Variants in GPHN observed in about 807,000 individuals in gnomAD.
GPHN encodes gephyrin.
GPHN carries 17 observed loss-of-function variants against 95.5 expected under a neutral mutation model. That is an observed-to-expected ratio of 0.18 (90% confidence interval 0.12 to 0.27). GPHN has a LOEUF of 0.27. Among genes scored for constraint, GPHN ranks in the 10% least tolerant of loss-of-function variants. GPHN has a pLI of 1.00. For synonymous variants in GPHN, 320 were observed against 322.5 expected, an observed-to-expected ratio of 0.99 and a Z score of 0.08; for missense variants, 660 against 978.1, an observed-to-expected ratio of 0.67 and a Z score of 4.34.
chr14:67,090,971 T>TAA (rs563303764), intron 12 of GPHN, among the ~76,000 whole-genome samples: 3 of 145,768 alleles, frequency 2.1e-5, no homozygotes, highest in African/African-American at 7.5e-5. Flanking sequence ...GGCACACATT[T>TAA]AAAAAAAAAA....
At chr14:67,546,175 A>G in the GPHN span, among the ~76,000 whole-genome samples, 1 of 152,184 alleles carries the variant, frequency 6.6e-6, no homozygotes, top group Non-Finnish European at 1.5e-5. Flanking sequence ...TATAAAAACA[A>G]CCAAGTGTAG....
the GPHN span, among the ~76,000 whole-genome samples, chr14:67,214,840 A>C: frequency 1.3e-5 from 2 of 151,942 alleles, no homozygotes; most frequent in East Asian, 1.9e-4. Context: ...CTTTGATTTC[A>C]TTGAGCAGTG....
chr14:67,712,348 TTTGTTG>T, the GPHN span, among the ~76,000 whole-genome samples: 33 of 152,122 alleles, frequency 2.2e-4, no homozygotes, highest in African/African-American at 7.9e-4. Flanking sequence ...ACTTAAAAAT[TTTGTTG>T]TTGTTGTTTT....
At chr14:67,197,855 A>G in the GPHN span, among the ~76,000 whole-genome samples, 1 of 151,922 alleles carries the variant, frequency 6.6e-6, no homozygotes, top group African/African-American at 2.4e-5. Context: ...ATTTTTTACT[A>G]TATGTATCTG....
At chr14:66,760,305 AAG>A (rs1417614864) in intron 2 of GPHN, among the ~76,000 whole-genome samples, 4 of 152,208 alleles carry the variant, frequency 2.6e-5, no homozygotes, top group Non-Finnish European at 1.5e-5. Context: ...GTAGTGTATC[AAG>A]AGTCTTTATA....
chr14:66,852,875 A>G (rs186684147), intron 4 of GPHN, among the ~76,000 whole-genome samples: 170 of 152,328 alleles, frequency 1.1e-3, no homozygotes, highest in Admixed American at 1.8e-3. Context: ...TTTTAAAATT[A>G]TGGTCAATTC....
intron 9 of GPHN, among the ~76,000 whole-genome samples, chr14:66,995,700 G>T (rs995523126): frequency 6.6e-6 from 1 of 152,138 alleles, no homozygotes; most frequent in African/African-American, 2.4e-5. Context: ...AGAAAGAGAG[G>T]TTCAGTAATA....
chr14:66,731,552 G>C (rs181266729), intron 2 of GPHN, among the ~76,000 whole-genome samples: 8 of 152,314 alleles, frequency 5.3e-5, no homozygotes, highest in Non-Finnish European at 8.8e-5. Flanking sequence ...CTTTGAACTT[G>C]AGGGAGATGA....
chr14:67,511,227 C>T, the GPHN span, among the ~76,000 whole-genome samples: 1 of 152,102 alleles, frequency 6.6e-6, no homozygotes, highest in Non-Finnish European at 1.5e-5. Context: ...AGTGGATAAT[C>T]CAGTATGTTC....
chr14:67,198,396 A>G, the GPHN span: 4 of 1,394,362 alleles, frequency 2.9e-6, no homozygotes, highest in Non-Finnish European at 4.0e-6. Context: ...AAAGGATGGT[A>G]GGAGAATTGT....
At chr14:67,710,451 T>G in the GPHN span, among the ~76,000 whole-genome samples, 20,378 of 152,242 alleles carry the variant, frequency 0.13, 1,403 homozygotes, top group East Asian at 0.21. Flanking sequence ...TACATAGACC[T>G]TTTGTGACAT....
At chr14:66,818,260 C>G (rs955773362) in intron 3 of GPHN, among the ~76,000 whole-genome samples, 4 of 152,094 alleles carry the variant, frequency 2.6e-5, no homozygotes, top group African/African-American at 9.7e-5. Context: ...TCTCCCTCCT[C>G]TCACCCTCCA....
In GPHN at chr14:66,758,510, C is replaced by T. The variant is rs566600508; in HGVS notation, c.144-17954C>T. ...GAGCCATCGTTTGAAGCTACAGTTG[C>T]GTGACCATTTTGAGTTTGATGGCCT... On this transcript the variant is annotated intron_variant, in intron 2 of 22. Coordinates refer to ENST00000478722, the MANE Select transcript of GPHN (RefSeq NM_020806.5). Among the ~76,000 whole-genome samples, 11 of 152,214 alleles carry T rather than the reference C, an allele frequency of 7.2e-5. No homozygotes were observed. The South Asian group carries it at 2.1e-3, about 29-fold the overall frequency.
At chr14:66,900,903 C>T (rs1457459341) in intron 5 of GPHN, among the ~76,000 whole-genome samples, 1 of 151,982 alleles carries the variant, frequency 6.6e-6, no homozygotes, top group Non-Finnish European at 1.5e-5. Context: ...GGATATATAT[C>T]CAGCAGTGCA....
intron 2 of GPHN, among the ~76,000 whole-genome samples, chr14:66,771,882 A>G (rs1017899612): frequency 6.6e-6 from 1 of 151,872 alleles, no homozygotes; most frequent in Admixed American, 6.6e-5. Flanking sequence ...AAGTTTATAT[A>G]TCTATCTATT....
rs752384571 is a variant in GPHN at position 67,058,645 on chromosome 14, T to G, written c.1007-4T>G. ...TATTCTTAGTTAATTATCTTACTGT[T>G]TAGGTCACAGTGCTGTCGATATCAC... On this transcript the variant is annotated splice_polypyrimidine_tract_variant and splice_region_variant and intron_variant, in intron 10 of 22. Coordinates refer to ENST00000478722, the MANE Select transcript of GPHN (RefSeq NM_020806.5). 6.2e-7 allele frequency: 1 copy of G among 1,611,082 alleles called. No individual in the cohort carries two copies. Among genetic ancestry groups the G allele is most frequent in the African/African-American group, 1.3e-5 (1 of 74,868 alleles).
chr14:66,534,393 C>A (rs1040800675), intron 1 of GPHN, among the ~76,000 whole-genome samples: 44 of 152,032 alleles, frequency 2.9e-4, no homozygotes, highest in African/African-American at 1.1e-3. Context: ...GGAATGACTT[C>A]TTTCGTTTAT....
the GPHN span, among the ~76,000 whole-genome samples, chr14:67,244,875 T>C: frequency 1.6e-3 from 244 of 152,270 alleles, no homozygotes; most frequent in African/African-American, 5.6e-3. Flanking sequence ...CAGATGACTT[T>C]AGGGAGATTA....
the GPHN span, chr14:67,592,531 A>G: frequency 2.9e-6 from 2 of 680,662 alleles, no homozygotes; most frequent in East Asian, 2.7e-5. Flanking sequence ...TTATCACTCA[A>G]AACAGCTGTC....
Sources: gnomAD v4.1 joint callset for allele counts (sites outside exome capture counted in the v4.1 genomes callset) on GRCh38, gnomAD v4.1.1 for gene constraint, MANE v1.5 for transcripts, NCBI Gene and HGNC (gene_info 2026-07-23, HGNC 2026-07-21) for gene names.